CCSER2: variants seen among roughly 807,000 people sequenced by gnomAD.
The protein encoded by CCSER2 is serine-rich coiled-coil domain-containing protein 2.
A neutral mutation model predicts 92.3 loss-of-function variants in CCSER2; 46 were observed. That is an observed-to-expected ratio of 0.50 (90% CI 0.39 to 0.64). The LOEUF (loss-of-function observed/expected upper bound fraction) is 0.64, where lower values mean the gene tolerates loss of function less well. Among genes scored for constraint, CCSER2 ranks in the 30% least tolerant of loss-of-function variants. The pLI is 0.00. For missense variants in CCSER2, 1,244 were observed against 1,238.9 expected, an observed-to-expected ratio of 1.00 and a Z score of -0.06; for synonymous variants, 433 against 431.4, an observed-to-expected ratio of 1.00 and a Z score of -0.04.
chr10:84,497,510 A>G (rs1315689417), intron 9 of CCSER2, among the ~76,000 whole-genome samples: 2 of 152,240 alleles, frequency 1.3e-5, no homozygotes, highest in Non-Finnish European at 2.9e-5. Context: ...AAATAAAGAC[A>G]GATATCATTG....
chr10:84,334,148 A>G (rs947804747), intron 1 of CCSER2, among the ~76,000 whole-genome samples: 3 of 152,208 alleles, frequency 2.0e-5, no homozygotes, highest in Non-Finnish European at 2.9e-5. Context: ...ATGAGCATGT[A>G]GAATGCTGCC....
intron 1 of CCSER2, among the ~76,000 whole-genome samples, chr10:84,357,692 C>T (rs1258675395): frequency 2.6e-5 from 4 of 152,106 alleles, no homozygotes; most frequent in South Asian, 2.1e-4. Flanking sequence ...CCTCGTGATT[C>T]GCCCGCCTCA....
intron 1 of CCSER2, among the ~76,000 whole-genome samples, chr10:84,338,846 A>G (rs2132999147): frequency 6.6e-6 from 1 of 152,312 alleles, no homozygotes; most frequent in Admixed American, 6.5e-5. Context: ...GAAAGCACAT[A>G]TTACAGTTAT....
intron 6 of CCSER2, among the ~76,000 whole-genome samples, chr10:84,451,905 A>G (rs1009560917): frequency 2.0e-5 from 3 of 152,178 alleles, no homozygotes; most frequent in Non-Finnish European, 4.4e-5. Flanking sequence ...ATCCTCTCAA[A>G]TGTAGCTTGA....
At chr10:84,424,875 G>A in intron 4 of CCSER2, 1 of 325,800 alleles carries the variant, frequency 3.1e-6, no homozygotes, top group Non-Finnish European at 4.4e-6. Flanking sequence ...GAGTCACAGG[G>A]CAAACTGGGC....
chr10:84,351,968 G>T (rs992781707), intron 1 of CCSER2, among the ~76,000 whole-genome samples: 4 of 152,146 alleles, frequency 2.6e-5, no homozygotes, highest in African/African-American at 7.2e-5. Context: ...ATAAGAGATT[G>T]TGTGGGATGG....
chr10:84,503,545 A>G (rs1336684759), intron 9 of CCSER2, among the ~76,000 whole-genome samples: 1 of 152,228 alleles, frequency 6.6e-6, no homozygotes, highest in Non-Finnish European at 1.5e-5. Context: ...TTTAATAAAA[A>G]TAATTGTTTT....
At chr10:84,359,921 C>T (rs1845407611) in intron 1 of CCSER2, among the ~76,000 whole-genome samples, 2 of 151,932 alleles carry the variant, frequency 1.3e-5, no homozygotes, top group South Asian at 2.1e-4. Context: ...TCAAGTGATT[C>T]TCCTATCTCA....
At chr10:84,331,635 A>C (rs1298465620) in intron 1 of CCSER2, among the ~76,000 whole-genome samples, 1 of 152,198 alleles carries the variant, frequency 6.6e-6, no homozygotes, top group African/African-American at 2.4e-5. Context: ...TTTTGGGGGA[A>C]AAAATTGATG....
intron 5 of CCSER2, among the ~76,000 whole-genome samples, chr10:84,437,972 T>G (rs1844287694): frequency 6.6e-6 from 1 of 152,096 alleles, no homozygotes; most frequent in Non-Finnish European, 1.5e-5. Flanking sequence ...ATATAAAACT[T>G]TTATAAAAGC....
chr10:84,334,817 A>AT (rs1843743571), intron 1 of CCSER2, among the ~76,000 whole-genome samples: 2 of 151,958 alleles, frequency 1.3e-5, no homozygotes, highest in African/African-American at 4.8e-5. Context: ...TTTGCTATTG[A>AT]TTTTTTTCTA....
chr10:84,461,353 G>C (rs1037748831), intron 6 of CCSER2, among the ~76,000 whole-genome samples: 1 of 152,022 alleles, frequency 6.6e-6, no homozygotes, highest in East Asian at 1.9e-4. Context: ...CCAAATTCGG[G>C]GTGTGTTTAT....
intron 9 of CCSER2, among the ~76,000 whole-genome samples, chr10:84,490,597 A>G (rs1454137824): frequency 6.6e-6 from 1 of 152,150 alleles, no homozygotes. Flanking sequence ...CCATCAGGTC[A>G]TTTAAGGACT....
At chr10:84,462,982 G>C (rs961676668) in intron 6 of CCSER2, among the ~76,000 whole-genome samples, 2 of 152,180 alleles carry the variant, frequency 1.3e-5, no homozygotes, top group African/African-American at 4.8e-5. Flanking sequence ...GAACAAATAA[G>C]GTGTTGAACC....
rs117912687 is a variant in CCSER2 at position 84,334,240 on chromosome 10, C to T, written c.-40+5432C>T. On this transcript the variant is annotated intron_variant, in intron 1 of 9. Transcript: ENST00000372088. ...GTTGTATAGGGTGAACTTGTCTTTC[C>T]GTTGTTATTGACTACTTAAGTTTTC... Among the ~76,000 whole-genome samples, 1,183 of 152,190 alleles carry T rather than the reference C, an allele frequency of 7.8e-3. 15 individuals carry two copies. Among genetic ancestry groups the T allele is most frequent in the Middle Eastern group, 0.017 (5 of 294 alleles).
chr10:84,341,541 A>G (rs1168742877), intron 1 of CCSER2, among the ~76,000 whole-genome samples: 3 of 151,978 alleles, frequency 2.0e-5, no homozygotes, highest in Non-Finnish European at 4.4e-5. Flanking sequence ...ACACCAAGCA[A>G]TTCTGACACC....
intron 6 of CCSER2, among the ~76,000 whole-genome samples, chr10:84,449,249 C>A (rs1267482598): frequency 6.6e-6 from 1 of 152,022 alleles, no homozygotes; most frequent in Non-Finnish European, 1.5e-5. Context: ...GTGGCGTGTG[C>A]CTGTAGTCCC....
intron 7 of CCSER2, among the ~76,000 whole-genome samples, chr10:84,467,657 C>G (rs753404822): frequency 6.6e-6 from 1 of 152,170 alleles, no homozygotes; most frequent in Non-Finnish European, 1.5e-5. Flanking sequence ...CTACTGCCCA[C>G]CCACCTGTGT....
intron 1 of CCSER2, among the ~76,000 whole-genome samples, chr10:84,333,094 T>C (rs902292678): frequency 6.6e-6 from 1 of 152,244 alleles, no homozygotes; most frequent in Non-Finnish European, 1.5e-5. Context: ...TAATAAATTA[T>C]GGTAAGTTTT....
Sources: gnomAD v4.1 joint callset for allele counts (sites outside exome capture counted in the v4.1 genomes callset) on GRCh38, gnomAD v4.1.1 for gene constraint, MANE v1.5 for transcripts, NCBI Gene and HGNC (gene_info 2026-07-23, HGNC 2026-07-21) for gene names.